GSPT1: variants seen among roughly 807,000 people sequenced by gnomAD.
The protein encoded by GSPT1 is G1 to S phase transition 1.
GSPT1 carries 20 observed loss-of-function variants against 72.5 expected under a neutral mutation model. The ratio of observed to expected loss-of-function variants is 0.28; its 90% CI spans 0.19 to 0.40. The LOEUF (loss-of-function observed/expected upper bound fraction) is 0.40. Among genes scored for constraint, GSPT1 ranks in the 10% least tolerant of loss-of-function variants. GSPT1 has a pLI of 1.00. For synonymous variants in GSPT1, 334 were observed against 293.5 expected (o/e 1.14, Z -1.41); for missense variants, 580 against 811.9 (o/e 0.71, Z 3.47).
chr16:11,869,939 G>A lies in GSPT1; in HGVS notation c.*3180C>T, dbSNP rs962697412. ...AAAATATTCGCAGCGTATCAGCTGA[G>A]AGGATGCCGGCAACTGTTGAACTAC... On this transcript the variant is annotated 3_prime_UTR_variant, in exon 15 of 15. Coordinates refer to ENST00000434724, the MANE Select transcript of GSPT1 (RefSeq NM_002094.4). The A allele has an allele frequency of 1.4e-4, 21 of 152,186 alleles. No homozygotes were observed. The highest frequency in any genetic ancestry group is 4.8e-4 in the African/African-American group (20 of 41,432). 9.4% of individuals were successfully genotyped at this position (152,186 alleles called of 1,614,324 possible). A position where few individuals can be genotyped will look rare whatever the true frequency, so the allele number is the denominator to read the frequency against.
At chr16:11,897,153 C>T (rs773889000) in intron 3 of GSPT1, among the ~76,000 whole-genome samples, 11 of 152,110 alleles carry the variant, frequency 7.2e-5, no homozygotes, top group Non-Finnish European at 1.3e-4. Flanking sequence ...TCGTGACACA[C>T]GAGAAATATG....
chr16:11,876,254 C>T (rs2141273509), intron 12 of GSPT1, 79 bp from the exon 13 acceptor site: 1 of 888,942 alleles, frequency 1.1e-6, no homozygotes, highest in Non-Finnish European at 1.9e-6. Context: ...CCATATAAAT[C>T]CCAAGAATTA....
At chr16:11,902,730 G>GT (rs1567448800) in intron 1 of GSPT1, among the ~76,000 whole-genome samples, 30 of 132,900 alleles carry the variant, frequency 2.3e-4, no homozygotes, top group Non-Finnish European at 4.4e-4. Flanking sequence ...GGGACTATAG[G>GT]CGTGTGCCAC....
chr16:11,896,268 T>C (rs531701125), intron 4 of GSPT1, among the ~76,000 whole-genome samples: 12 of 152,344 alleles, frequency 7.9e-5, no homozygotes, highest in Non-Finnish European at 1.0e-4. Context: ...GATACTGATA[T>C]ATAATACTAT....
Position 11,875,803 on chromosome 16 carries a change from T to C in GSPT1, c.1819A>G (p.Lys607Glu). ...TAGTICLETF[K>E]DFPQMGRFTL... is the part of the protein sequence containing the mutation. ...AAACGACCCATCTGAGGGAAGTCTT[T>C]AAAGGTCTCAAGGCAGATGGTTCCT... Residue 607 changes from lysine to glutamate, a missense_variant, in exon 14 of 15, where the codon AAA becomes GAA. Lys to Glu is a moderately conservative substitution (Grantham distance 56). Transcript: ENST00000434724. 1 of 1,613,234 alleles carries C rather than the reference T, an allele frequency of 6.2e-7. No individual in the cohort carries two copies.
At chr16:11,899,341 T>C (rs76989099) in intron 1 of GSPT1, among the ~76,000 whole-genome samples, 2 of 151,996 alleles carry the variant, frequency 1.3e-5, no homozygotes, top group African/African-American at 4.8e-5. Flanking sequence ...TTTTTTTTTT[T>C]AAGTGACAGG....
At chr16:11,914,183 T>A (rs1361026965) in intron 1 of GSPT1, among the ~76,000 whole-genome samples, 3 of 152,230 alleles carry the variant, frequency 2.0e-5, no homozygotes, top group Non-Finnish European at 4.4e-5. Context: ...CCTTCCTTTT[T>A]CATTTTCTCT....
In GSPT1 at chr16:11,915,358, C is replaced by T; in HGVS notation, c.352+11G>A. The T allele has an allele frequency of 2.7e-6, 4 of 1,466,274 alleles. No homozygotes were observed. The highest frequency in any genetic ancestry group is 3.0e-5 in the African/African-American group (2 of 66,644). The allele number at this position is 1,466,274 out of a possible 1,614,324, so 90.8% of individuals were successfully genotyped here. A position where few individuals can be genotyped will look rare whatever the true frequency, so the allele number is the denominator to read the frequency against. On this transcript the variant is annotated intron_variant, in intron 1 of 14. Coordinates refer to ENST00000434724, the MANE Select transcript of GSPT1 (RefSeq NM_002094.4). Reference sequence around the variant, plus strand: ...CCCGGCCGGACTTCCTCCCGCGTCCCGGGCCTTTACCCGCACGGCCTCCCG... The same window carrying T: ...CCCGGCCGGACTTCCTCCCGCGTCCTGGGCCTTTACCCGCACGGCCTCCCG...
intron 6 of GSPT1, among the ~76,000 whole-genome samples, chr16:11,890,289 T>C (rs2054242563): frequency 6.6e-6 from 1 of 152,168 alleles, no homozygotes; most frequent in Non-Finnish European, 1.5e-5. Flanking sequence ...AAAAAATAAC[T>C]GTCCTCAGAT....
chr16:11,904,345 G>GGC (rs2054458479), intron 1 of GSPT1, among the ~76,000 whole-genome samples: 1 of 152,118 alleles, frequency 6.6e-6, no homozygotes, highest in African/African-American at 2.4e-5. Context: ...TGGGACTACA[G>GGC]GCGCGCGCCA....
chr16:11,896,595 C>T lies in GSPT1; in HGVS notation c.627G>A (p.Lys209=), dbSNP rs1258110744. The T allele has an allele frequency of 6.2e-7, 1 of 1,606,964 alleles. No individual in the cohort carries two copies. The highest frequency in any genetic ancestry group is 2.2e-5 in the East Asian group (1 of 44,804). The part of the protein sequence containing the change: ...KSVVAPPGAP[K]KEHVNVVFIG... ...TGAATACTACATTTACATGCTCTTT[C>T]TTAGGAGCACCTGGCGGTGCAACCA... The change falls in exon 4 of 15, where the codon AAG becomes AAA. Residue 209 remains lysine (K), a synonymous_variant. Coordinates refer to ENST00000434724, the MANE Select transcript of GSPT1 (RefSeq NM_002094.4).
chr16:11,891,344 T>C (rs33645), intron 5 of GSPT1, among the ~76,000 whole-genome samples: 66,957 of 147,022 alleles, frequency 0.46, 16,477 homozygotes, highest in East Asian at 0.76. Flanking sequence ...TTATATAAAA[T>C]ATATATATTA....
intron 11 of GSPT1, among the ~76,000 whole-genome samples, chr16:11,878,958 C>T (rs1258854352): frequency 6.6e-6 from 1 of 151,666 alleles, no homozygotes. Flanking sequence ...CACCTGTAAT[C>T]CCAGCTACTC....
chr16:11,902,187 C>G (rs1464178436), intron 1 of GSPT1, among the ~76,000 whole-genome samples: 2 of 151,192 alleles, frequency 1.3e-5, no homozygotes, highest in Non-Finnish European at 2.9e-5. Flanking sequence ...TCGAGACCAT[C>G]CTGGCTAACA....
At chr16:11,904,498 A>G (rs449313) in intron 1 of GSPT1, among the ~76,000 whole-genome samples, 9,658 of 152,062 alleles carry the variant, frequency 0.064, 384 homozygotes, top group South Asian at 0.16. Context: ...CACTGCGCCC[A>G]GCCAGTTTTA....
chr16:11,873,438 A>C (rs1013205101), intron 14 of GSPT1, among the ~76,000 whole-genome samples: 1 of 151,972 alleles, frequency 6.6e-6, no homozygotes, highest in African/African-American at 2.4e-5. Flanking sequence ...CATCCTCCCC[A>C]GTAGCTGAGA....
rs1482615152 is a variant in GSPT1 at position 11,908,499 on chromosome 16, G to A, written c.352+6870C>T. 5.7e-5 allele frequency: 3 copies of A among 52,480 alleles called. 1 individual carries two copies. The highest frequency in any genetic ancestry group is 1.4e-4 in the African/African-American group (1 of 6,960). 3.3% of individuals were successfully genotyped at this position (52,480 alleles called of 1,614,324 possible). A position where few individuals can be genotyped will look rare whatever the true frequency, so the allele number is the denominator to read the frequency against. On this transcript the variant is annotated intron_variant, in intron 1 of 14. Coordinates refer to ENST00000434724, the MANE Select transcript of GSPT1 (RefSeq NM_002094.4). ...AATTAGGCCGGGCGCGGTGGCTCAC[G>A]CCTGTAATCCCAGCACTTTGGGAGG...
At position 11,883,138 on chromosome 16, in the gene GSPT1, G is replaced by A. The variant is rs766070416; in HGVS notation, c.1348-43C>T. 3 of 1,220,282 alleles carry A rather than the reference G, an allele frequency of 2.5e-6. No individual in the cohort carries two copies. In the African/African-American group the frequency reaches 4.4e-5, roughly 18 times the overall value. The allele number at this position is 1,220,282 out of a possible 1,614,324, so 75.6% of individuals were successfully genotyped here. ...AAAATCCAGTTTCAGACTTCTTGGT[G>A]CTGTATAACAGCTCAATAGCCCAAA... On this transcript the variant is annotated intron_variant, in intron 10 of 14. Coordinates refer to ENST00000434724, the MANE Select transcript of GSPT1 (RefSeq NM_002094.4).
In GSPT1 at chr16:11,870,359, A is replaced by T. The variant is rs2053965142; in HGVS notation, c.*2760T>A. On this transcript the variant is annotated 3_prime_UTR_variant, in exon 15 of 15. Coordinates refer to ENST00000434724, the MANE Select transcript of GSPT1 (RefSeq NM_002094.4). ...CAATATTTCTTAAATTCACTTTATT[A>T]ATTTAAAAAACTAAATAATCGCATG... The T allele has an allele frequency of 1.3e-5, 2 of 152,234 alleles. No homozygotes were observed. Among genetic ancestry groups the T allele is most frequent in the Admixed American group, 6.5e-5 (1 of 15,284 alleles). 9.4% of individuals were successfully genotyped at this position (152,234 alleles called of 1,614,324 possible).
Sources: allele counts gnomAD v4.1 joint callset (sites outside exome capture counted in the v4.1 genomes callset), GRCh38; gene constraint gnomAD v4.1.1; transcripts MANE v1.5; gene names NCBI Gene and HGNC (gene_info 2026-07-23, HGNC 2026-07-21).